CEP192: variants seen among roughly 807,000 people sequenced by gnomAD.
CEP192 encodes centrosomal protein 192, also known as centrosomal protein of 192 kDa.
In CEP192, 151 loss-of-function variants were observed where a neutral mutation model predicts 271.8. The ratio of observed to expected loss-of-function variants is 0.56; its 90% CI spans 0.49 to 0.64. The LOEUF is 0.64. CEP192 is among the 30% of genes least tolerant of loss of function. CEP192 has a pLI of 0.00. For synonymous variants in CEP192, 995 were observed against 1,076.5 expected (o/e 0.92, Z 1.48); for missense variants, 2,910 against 3,020.5 (o/e 0.96, Z 0.86).
intron 17 of CEP192, 131 bp from the exon 18 acceptor site, chr18:13,052,788 T>A: frequency 5.0e-6 from 3 of 601,722 alleles, no homozygotes; most frequent in Non-Finnish European, 5.7e-6. Context: ...CAATTTTAGA[T>A]AATTAAGTGT....
chr18:13,097,649 AT>A (rs1168883540), intron 36 of CEP192, among the ~76,000 whole-genome samples: 7,033 of 107,762 alleles, frequency 0.065, 177 homozygotes, highest in Middle Eastern at 0.11. Flanking sequence ...TTTAACTATT[AT>A]TTTTTTTTTT....
At chr18:13,026,869 C>G (rs2035332426) in intron 9 of CEP192, among the ~76,000 whole-genome samples, 1 of 152,196 alleles carries the variant, frequency 6.6e-6, no homozygotes, top group African/African-American at 2.4e-5. Flanking sequence ...AACATCCCTG[C>G]CATATCTGGT....
At chr18:13,004,168 A>G (rs2033834386) in intron 3 of CEP192, among the ~76,000 whole-genome samples, 2 of 152,262 alleles carry the variant, frequency 1.3e-5, no homozygotes, top group Non-Finnish European at 2.9e-5. Context: ...TGGCCTACTC[A>G]GAATGAGTTT....
At chr18:13,000,207 C>G (rs1453656205) in intron 2 of CEP192, 2 of 142,340 alleles carry the variant, frequency 1.4e-5, no homozygotes, top group Non-Finnish European at 3.0e-5. Context: ...ATCCTCCTGC[C>G]TCAACTTCCC....
chr18:13,008,702 ATTTTTT>A, intron 4 of CEP192, 71 bp downstream of exon 4: 15 of 932,238 alleles, frequency 1.6e-5, no homozygotes, highest in Admixed American at 6.5e-5. Context: ...TTATCTTTGG[ATTTTTT>A]TTTTTTTTTT....
At chr18:13,057,249 T>TG (rs1409728632) in intron 19 of CEP192, among the ~76,000 whole-genome samples, 2 of 16,506 alleles carry the variant, frequency 1.2e-4, no homozygotes, top group East Asian at 3.5e-3. Flanking sequence ...TGGAGGTTTT[T>TG]TTTGTTTGTT....
chr18:13,121,964 G>C (rs572606472), intron 44 of CEP192, among the ~76,000 whole-genome samples: 1 of 152,230 alleles, frequency 6.6e-6, no homozygotes, highest in Non-Finnish European at 1.5e-5. Flanking sequence ...CTAGTGTACT[G>C]GCTTTTTTTC....
chr18:13,049,004 T>A lies in CEP192; in HGVS notation c.2213T>A (p.Ile738Asn). 6.2e-7 allele frequency: 1 copy of A among 1,614,172 alleles called. No individual in the cohort carries two copies. Residue 738 changes from isoleucine to asparagine, a missense_variant, in exon 16 of 45, where the codon ATC becomes AAC. Physicochemically the swap from Ile to Asn is moderately radical, Grantham distance 149. Transcript: ENST00000506447. Reference protein sequence around the residue: ...NTDPSQLAAMIKALSNKTRDK... With the variant: ...NTDPSQLAAMNKALSNKTRDK... ...GATCCTTCCCAACTTGCTGCAATGATCAAGGCACTTTCAAATAAAACCAGA... is the reference window on the plus strand; with the variant it reads ...GATCCTTCCCAACTTGCTGCAATGAACAAGGCACTTTCAAATAAAACCAGA...
chr18:13,067,462 A>T (rs186540915), intron 21 of CEP192, among the ~76,000 whole-genome samples: 1 of 152,326 alleles, frequency 6.6e-6, no homozygotes, highest in Admixed American at 6.5e-5. Flanking sequence ...TGCAGATTAA[A>T]TCTGAAAATG....
At position 13,049,148 on chromosome 18, in the gene CEP192, A is replaced by G. The variant is rs774652057; in HGVS notation, c.2357A>G (p.Lys786Arg). The G allele has an allele frequency of 6.2e-7, 1 of 1,613,908 alleles. No individual in the cohort carries two copies. Among genetic ancestry groups the G allele is most frequent in the East Asian group, 2.2e-5 (1 of 44,874 alleles). The stretch of plus-strand genomic sequence containing the variant: ...GCACTTGATATGGAGAAATACCTTA[A>G]AAAAACAGAAGTTAGTAGATATGAA... ...SNALDMEKYL[K>R]KTEVSRYESA... The change falls in exon 16 of 45, where the codon AAA (lysine) becomes AGA (arginine). Residue 786 changes from lysine to arginine, a missense_variant. Lys to Arg is a conservative substitution (Grantham distance 26, BLOSUM62 2). Transcript: ENST00000506447.
chr18:13,103,714 A>G (rs1212808563), intron 39 of CEP192, 126 bp downstream of exon 39: 4 of 830,200 alleles, frequency 4.8e-6, no homozygotes, highest in South Asian at 4.3e-5. Flanking sequence ...CTGAGACAAA[A>G]AAGTCTTGCT....
chr18:13,020,266 A>G (rs1232764622), intron 9 of CEP192, among the ~76,000 whole-genome samples: 1 of 152,126 alleles, frequency 6.6e-6, no homozygotes, highest in African/African-American at 2.4e-5. Flanking sequence ...GGCAGCTACC[A>G]TTCTACTTTC....
chr18:13,015,590 C>A, intron 6 of CEP192, 142 bp downstream of exon 6: 1 of 696,650 alleles, frequency 1.4e-6, no homozygotes, highest in Non-Finnish European at 2.5e-6. Context: ...CAAATGGCCA[C>A]TTCTATTAAG....
chr18:13,076,434 T>C (rs767286045), intron 30 of CEP192, among the ~76,000 whole-genome samples: 3 of 152,108 alleles, frequency 2.0e-5, no homozygotes, highest in South Asian at 4.1e-4. Flanking sequence ...GTCAGGATGG[T>C]CTTGATCTCT....
chr18:13,037,708 A>T (rs2035988960), intron 12 of CEP192, among the ~76,000 whole-genome samples: 1 of 152,054 alleles, frequency 6.6e-6, no homozygotes, highest in South Asian at 2.1e-4. Context: ...GGCATGTGCT[A>T]CCATGCCTAG....
chr18:13,084,011 C>T (rs1045901389), intron 30 of CEP192, among the ~76,000 whole-genome samples: 8 of 152,118 alleles, frequency 5.3e-5, no homozygotes, highest in Admixed American at 2.6e-4. Flanking sequence ...CAGAGGGGCA[C>T]CAGCCTGTAT....
chr18:13,002,310 G>A (rs9964912), intron 3 of CEP192, among the ~76,000 whole-genome samples: 69,692 of 122,376 alleles, frequency 0.57, 16,270 homozygotes, highest in African/African-American at 0.66. Flanking sequence ...ATAAGATTAA[G>A]CTCTTATTCT....
At chr18:13,014,754 C>T (rs550919029) in intron 5 of CEP192, among the ~76,000 whole-genome samples, 5 of 151,914 alleles carry the variant, frequency 3.3e-5, no homozygotes, top group Non-Finnish European at 5.9e-5. Flanking sequence ...AAAATCAGTG[C>T]GCATTTTCCA....
At chr18:13,031,482 C>T (rs993334632) in intron 11 of CEP192, among the ~76,000 whole-genome samples, 5 of 152,108 alleles carry the variant, frequency 3.3e-5, no homozygotes, top group Admixed American at 3.3e-4. Context: ...CTCCTGACCT[C>T]GTGATCTGCC....
Sources: gnomAD v4.1 joint callset for allele counts (sites outside exome capture counted in the v4.1 genomes callset) on GRCh38, gnomAD v4.1.1 for gene constraint, MANE v1.5 for transcripts, NCBI Gene and HGNC (gene_info 2026-07-23, HGNC 2026-07-21) for gene names.